FBP2: variants seen among roughly 807,000 people sequenced by gnomAD.
FBP2 encodes fructose-bisphosphatase 2.
A neutral mutation model predicts 31.6 loss-of-function variants in FBP2; 27 were observed. The ratio of observed to expected loss-of-function variants is 0.85; its 90% CI spans 0.63 to 1.18. The LOEUF is 1.18. Ranked by LOEUF, FBP2 falls within the 50% of genes most tolerant of loss-of-function variation. The probability of loss-of-function intolerance (pLI) is 0.00; values close to 1 mark genes in which losing one functional copy is unlikely to be tolerated. For missense variants in FBP2, 421 were observed against 436.1 expected (o/e 0.97, Z 0.31); for synonymous variants, 168 against 179.8 (o/e 0.93, Z 0.53).
chr9:94,575,810 T>C (rs533282055), intron 3 of FBP2, among the ~76,000 whole-genome samples: 19 of 152,310 alleles, frequency 1.2e-4, no homozygotes, highest in Non-Finnish European at 2.2e-4. Context: ...AAGAGGAGAA[T>C]GGTGTCTCAC....
intron 3 of FBP2, chr9:94,576,787 C>T (rs1176050994): frequency 6.6e-6 from 1 of 152,184 alleles, no homozygotes; most frequent in Non-Finnish European, 1.5e-5. Flanking sequence ...GGACTCTGCT[C>T]TATTTAGACT....
At chr9:94,561,426 G>C (rs984034004) in intron 6 of FBP2, among the ~76,000 whole-genome samples, 2 of 137,862 alleles carry the variant, frequency 1.5e-5, no homozygotes, top group East Asian at 2.3e-4. Context: ...GCAGTGGCGC[G>C]ATCTCGGCTC....
rs148327617 is a variant in FBP2, at chr9:94,559,119, T to C, written c.839A>G (p.Tyr280Cys). Residue 280 changes from tyrosine (Y) to cysteine (C), a missense_variant, in exon 7 of 7, where the codon TAT becomes TGT. Tyr to Cys is a radical substitution (Grantham distance 194). Coordinates refer to ENST00000375337, the MANE Select transcript of FBP2 (RefSeq NM_003837.4). ...KSPKGKLRLL[Y>C]ECNPVAYIIE... ...GATGTAGGCCACGGGATTGCATTCATACAGGAGCCGGAGCTGTGGAGGAAC... is the reference window on the plus strand; with the variant it reads ...GATGTAGGCCACGGGATTGCATTCACACAGGAGCCGGAGCTGTGGAGGAAC... 147 of 1,611,838 alleles carry C rather than the reference T, an allele frequency of 9.1e-5. No individual in the cohort carries two copies. Among genetic ancestry groups the C allele is most frequent in the Non-Finnish European group, 7.9e-5 (93 of 1,178,780 alleles).
chr9:94,582,345 T>C (rs973484199), intron 3 of FBP2, among the ~76,000 whole-genome samples: 3 of 83,092 alleles, frequency 3.6e-5, no homozygotes, highest in Non-Finnish European at 4.7e-5. Flanking sequence ...AATATGTGTG[T>C]GTGTGCGTGT....
intron 3 of FBP2, among the ~76,000 whole-genome samples, chr9:94,575,981 A>G (rs1341760001): frequency 6.6e-6 from 1 of 152,162 alleles, no homozygotes; most frequent in Non-Finnish European, 1.5e-5. Context: ...CTCACCATAT[A>G]TACTCCCTGC....
chr9:94,570,550 A>G (rs1827257433), intron 4 of FBP2: 2 of 152,244 alleles, frequency 1.3e-5, no homozygotes, highest in Admixed American at 6.5e-5. Context: ...CTGTTATTCT[A>G]CAACAACTTT....
At chr9:94,564,262 A>G (rs1353961670) in intron 5 of FBP2, among the ~76,000 whole-genome samples, 1 of 152,208 alleles carries the variant, frequency 6.6e-6, no homozygotes, top group Non-Finnish European at 1.5e-5. Flanking sequence ...ATGCAAAAGA[A>G]CTGAACTCAT....
chr9:94,560,952 G>A (rs1048233002), intron 6 of FBP2, among the ~76,000 whole-genome samples: 1 of 151,960 alleles, frequency 6.6e-6, no homozygotes, highest in Non-Finnish European at 1.5e-5. Context: ...AGTAGTGGGT[G>A]TCCAGAAGGG....
chr9:94,574,802 T>C (rs1475407444), intron 3 of FBP2, among the ~76,000 whole-genome samples: 1 of 152,124 alleles, frequency 6.6e-6, no homozygotes. Context: ...TTTCTATGCA[T>C]GGAAAAAAAA....
intron 1 of FBP2, among the ~76,000 whole-genome samples, chr9:94,591,189 C>T (rs564267635): frequency 2.6e-5 from 4 of 152,226 alleles, no homozygotes; most frequent in Non-Finnish European, 5.9e-5. Flanking sequence ...CGCTGTGGAG[C>T]GGGGGGTGGC....
At chr9:94,588,487 G>C (rs1311414176) in intron 1 of FBP2, among the ~76,000 whole-genome samples, 1 of 152,112 alleles carries the variant, frequency 6.6e-6, no homozygotes, top group African/African-American at 2.4e-5. Flanking sequence ...GCTGGATGTG[G>C]TGGCACACAC....
Position 94,571,509 on chromosome 9 carries a change from C to A in FBP2, c.520G>T (p.Val174Leu). 2 of 1,613,950 alleles carry A rather than the reference C, an allele frequency of 1.2e-6. No homozygotes were observed. The highest frequency in any genetic ancestry group is 1.7e-6 in the Non-Finnish European group (2 of 1,179,922). ...ACGCCTTGCCCTGTGGAGAGAGCCA[C>A]CAGGGTTGCACTACCGTACAGCGCA... The part of the protein sequence containing the change: ...GYALYGSATL[V>L]ALSTGQGVDL... The change falls in exon 4 of 7, where the codon GTG (valine) becomes TTG (leucine). Residue 174 changes from valine (V) to leucine (L), a missense_variant. By Grantham distance (32) the Val-to-Leu change is conservative. Transcript: ENST00000375337.
chr9:94,593,729 T>A lies in FBP2; in HGVS notation c.-3A>T, dbSNP rs1414996755. 1.9e-6 allele frequency: 3 copies of A among 1,613,898 alleles called. No homozygotes were observed. Among genetic ancestry groups the A allele is most frequent in the Admixed American group, 3.3e-5 (2 of 59,996 alleles). ...TCGAAGGGGCTTCTGTCCGTCATTT[T>A]GGCTGGAATGCTTCAAATCCTTTTC... On this transcript the variant is annotated 5_prime_UTR_variant, in exon 1 of 7. Coordinates refer to ENST00000375337, the MANE Select transcript of FBP2 (RefSeq NM_003837.4).
rs773350863 is a variant in FBP2 at position 94,565,385 on chromosome 9, A to AAAAAAAAG, written c.705+1884_705+1885insCTTTTTTT. Among the ~76,000 whole-genome samples the AAAAAAAAG allele has an allele frequency of 1.3e-4, 18 of 134,916 alleles. 1 individual carries two copies. Among genetic ancestry groups the AAAAAAAAG allele is most frequent in the Non-Finnish European group, 1.4e-4 (9 of 64,268 alleles). 88.5% of individuals were successfully genotyped at this position (134,916 alleles called of 152,430 possible). On this transcript the variant is annotated intron_variant, in intron 5 of 6. Transcript: ENST00000375337. ...CTCCACCTCAAAAAAAAAAAAAAAA[A>AAAAAAAAG]AGATGTTCCCAGTGGGGTTTTTGAG...
chr9:94,562,049 T>C (rs141307021), intron 6 of FBP2, among the ~76,000 whole-genome samples: 4,082 of 152,204 alleles, frequency 0.027, 165 homozygotes, highest in African/African-American at 0.089. Context: ...CTGTGACTCA[T>C]ACCTGTAATC....
chr9:94,590,807 G>A (rs544736645), intron 1 of FBP2, among the ~76,000 whole-genome samples: 3 of 152,164 alleles, frequency 2.0e-5, no homozygotes, highest in African/African-American at 7.2e-5. Flanking sequence ...TGGTAGAGCC[G>A]AGTGGCCTGT....
rs972780242 is a variant in FBP2, at chr9:94,559,034, G to T, written c.924C>A (p.Pro308=). 1.2e-6 allele frequency: 2 copies of T among 1,614,034 alleles called. No homozygotes were observed. The highest frequency in any genetic ancestry group is 1.7e-6 in the Non-Finnish European group (2 of 1,180,018). ...TGTQPVLDVK[P]EAIHQRVPLI... Reference sequence around the variant, plus strand: ...GGGGGACTCGCTGGTGAATTGCCTCGGGCTTCACGTCCAGTACAGGCTGGG... The same window carrying T: ...GGGGGACTCGCTGGTGAATTGCCTCTGGCTTCACGTCCAGTACAGGCTGGG... Residue 308 remains proline (P), a synonymous_variant, in exon 7 of 7, where the codon CCC becomes CCA. Coordinates refer to ENST00000375337, the MANE Select transcript of FBP2 (RefSeq NM_003837.4).
In FBP2 at chr9:94,588,261, G is replaced by A. The variant is rs562156997; in HGVS notation, c.171-792C>T. ...GTTACTTGAACTGAGAAGGAAATGT[G>A]GGGGCAGACTTATTTCATTTTTTTC... On this transcript the variant is annotated intron_variant, in intron 1 of 6. Coordinates refer to ENST00000375337, the MANE Select transcript of FBP2 (RefSeq NM_003837.4). Among the ~76,000 whole-genome samples, 591 of 152,258 alleles carry A rather than the reference G, an allele frequency of 3.9e-3. 4 individuals carry two copies. Among genetic ancestry groups the A allele is most frequent in the African/African-American group, 0.012 (498 of 41,552 alleles).
At chr9:94,587,500 C>T (rs1304774760) in intron 1 of FBP2, 31 bp from the exon 2 acceptor site, 5 of 1,610,638 alleles carry the variant, frequency 3.1e-6, no homozygotes, top group Non-Finnish European at 4.2e-6. Context: ...ATGAGGAAGT[C>T]ACTAGGGGGT....
Sources: allele counts gnomAD v4.1 joint callset (sites outside exome capture counted in the v4.1 genomes callset), GRCh38; gene constraint gnomAD v4.1.1; transcripts MANE v1.5; gene names NCBI Gene and HGNC (gene_info 2026-07-23, HGNC 2026-07-21).